Variants in HLA-DPB1 observed in about 807,000 individuals in gnomAD.
HLA-DPB1 encodes HLA class II histocompatibility antigen, DP beta 1 chain.
In HLA-DPB1, 30 loss-of-function variants were observed where a neutral mutation model predicts 29.4. The ratio of observed to expected loss-of-function variants is 1.02; its 90% CI spans 0.76 to 1.38. HLA-DPB1 has a LOEUF of 1.38. HLA-DPB1 is among the 40% of genes most tolerant of loss of function. HLA-DPB1 has a pLI of 0.00. For missense variants in HLA-DPB1, 261 were observed against 327.5 expected (o/e 0.80, Z 1.57); for synonymous variants, 114 against 134.0 (o/e 0.85, Z 1.03).
In HLA-DPB1 at chr6:33,086,659, G is replaced by T. The variant is rs1327871929; in HGVS notation, c.*125G>T. The T allele has an allele frequency of 8.2e-6, 4 of 485,122 alleles. No homozygotes were observed. Among genetic ancestry groups the T allele is most frequent in the African/African-American group, 6.2e-5 (3 of 48,354 alleles). The allele number at this position is 485,122 out of a possible 1,614,324, so 30.1% of individuals were successfully genotyped here. A position where few individuals can be genotyped will look rare whatever the true frequency, so the allele number is the denominator to read the frequency against. ...AATTGGATACTGCTGCCAAGAAGTT[G>T]CTCTGAAGTCAGTTTCTATCATTCT... On this transcript the variant is annotated 3_prime_UTR_variant, in exon 6 of 6. Coordinates refer to ENST00000418931, the MANE Select transcript of HLA-DPB1 (RefSeq NM_002121.6).
In HLA-DPB1 at chr6:33,089,011, G is replaced by A. The variant is rs9296075; in HGVS notation, c.*2477G>A. On this transcript the variant is annotated 3_prime_UTR_variant, in exon 6 of 6. Coordinates refer to ENST00000418931, the MANE Select transcript of HLA-DPB1 (RefSeq NM_002121.6). ...AACACTGCCTCAGATGGTTATCAAG[G>A]GGTACCCTAAGAAGAAATCATCTCA... Among the ~76,000 whole-genome samples, 19,769 of 151,860 alleles carry A rather than the reference G, an allele frequency of 0.13. 2,559 individuals carry two copies. Among genetic ancestry groups the A allele is most frequent in the African/African-American group, 0.33 (13,802 of 41,244 alleles).
chr6:33,079,295 C>T (rs1583112950), intron 1 of HLA-DPB1, among the ~76,000 whole-genome samples: 1 of 152,382 alleles, frequency 6.6e-6, no homozygotes, highest in African/African-American at 2.4e-5. Context: ...ACTGATAATT[C>T]TGTGTAGACA....
At chr6:33,086,198 A>T (rs1763091767) in intron 4 of HLA-DPB1, 21 bp from the exon 5 acceptor site, 2 of 1,559,376 alleles carry the variant, frequency 1.3e-6, no homozygotes, top group South Asian at 2.2e-5. Context: ...TGATTATATA[A>T]CCTTTCGTCT....
intron 4 of HLA-DPB1, 65 bp downstream of exon 4, chr6:33,085,954 TGAG>T (rs1324824851): frequency 6.5e-6 from 7 of 1,072,062 alleles, no homozygotes; most frequent in Non-Finnish European, 9.7e-6. Flanking sequence ...TATTCCACGA[TGAG>T]GGGTTTGACA....
At chr6:33,079,820 C>G (rs1762740589) in intron 1 of HLA-DPB1, 1 of 452,116 alleles carries the variant, frequency 2.2e-6, no homozygotes, top group Non-Finnish European at 4.3e-6. Context: ...ATCAGAGTCA[C>G]CAACCCCAGT....
intron 2 of HLA-DPB1, chr6:33,083,723 A>G (rs9277405): frequency 0.38 from 57,602 of 151,738 alleles, 12,334 homozygotes; most frequent in East Asian, 0.64. Flanking sequence ...TCATGCCTCA[A>G]CCTCCCAAAG....
chr6:33,086,317 T>A (rs2150378847), intron 5 of HLA-DPB1, 75 bp downstream of exon 5: 1 of 1,121,384 alleles, frequency 8.9e-7, no homozygotes, highest in Non-Finnish European at 1.4e-6. Flanking sequence ...ATTGTAACAC[T>A]GAGGCTCCTC....
intron 2 of HLA-DPB1, chr6:33,081,165 C>G: frequency 1.8e-6 from 1 of 545,486 alleles, no homozygotes; most frequent in Non-Finnish European, 3.2e-6. Context: ...ACCCCCGGGA[C>G]TTCATCAGGC....
rs1042136 is a variant in HLA-DPB1, at chr6:33,080,851, A to T, written c.280A>T (p.Ile94Phe). The change falls in exon 2 of 6, where the codon ATC becomes TTC. Residue 94 changes from isoleucine (I) to phenylalanine (F), a missense_variant. Ile to Phe is a conservative substitution (Grantham distance 21). Coordinates refer to ENST00000418931, the MANE Select transcript of HLA-DPB1 (RefSeq NM_002121.6). The surrounding 1 kb of genome is among the most constrained non-coding windows in gnomAD (Gnocchi z 4.3). ...AAEYWNSQKD[I>F]LEEKRAVPDR... The stretch of plus-strand genomic sequence containing the variant: ...GGAGTACTGGAACAGCCAGAAGGAC[A>T]TCCTGGAGGAGAAGCGGGCAGTGCC... 117 of 1,602,128 alleles carry T rather than the reference A, an allele frequency of 7.3e-5. No individual in the cohort carries two copies. In the East Asian group the frequency reaches 1.8e-3, roughly 24 times the overall value.
rs529551304 is a variant in HLA-DPB1 at position 33,085,420 on chromosome 6, G to T, written c.646+189G>T. The stretch of plus-strand genomic sequence containing the variant: ...GAGACTTCCTGACCTTGGCTTAGGG[G>T]TTCCTGAAGATTCATAGTTCTCCCC... On this transcript the variant is annotated intron_variant, in intron 3 of 5. Transcript: ENST00000418931. Among the ~76,000 whole-genome samples, 29 of 152,316 alleles carry T rather than the reference G, an allele frequency of 1.9e-4. 1 individual carries two copies. In the South Asian group the frequency reaches 5.4e-3, roughly 28 times the overall value.
chr6:33,085,337 C>G, intron 3 of HLA-DPB1, 106 bp downstream of exon 3: 1 of 990,470 alleles, frequency 1.0e-6, no homozygotes, highest in Non-Finnish European at 1.5e-6. Flanking sequence ...GGGGCCATGT[C>G]CAAACCCCAT....
intron 2 of HLA-DPB1, among the ~76,000 whole-genome samples, chr6:33,084,612 A>T (rs778244029): frequency 6.6e-6 from 1 of 152,088 alleles, no homozygotes; most frequent in Non-Finnish European, 1.5e-5. Context: ...CAGGCTGACC[A>T]ACATGGAGAA....
At chr6:33,077,632 T>C (rs1470634441) in intron 1 of HLA-DPB1, among the ~76,000 whole-genome samples, 2 of 152,200 alleles carry the variant, frequency 1.3e-5, no homozygotes, top group Non-Finnish European at 2.9e-5. Flanking sequence ...TCAACCATTG[T>C]ACTCTCAGGA....
intron 1 of HLA-DPB1, among the ~76,000 whole-genome samples, chr6:33,076,427 G>A (rs988412086): frequency 6.6e-6 from 1 of 152,190 alleles, no homozygotes; most frequent in Non-Finnish European, 1.5e-5. Flanking sequence ...ACCTTGGACA[G>A]ACAAGGTTTG....
At position 33,080,897 on chromosome 6, in the gene HLA-DPB1, A is replaced by T; in HGVS notation, c.326A>T (p.Asn109Ile). The T allele has an allele frequency of 6.2e-7, 1 of 1,609,972 alleles. No homozygotes were observed. Among genetic ancestry groups the T allele is most frequent in the Non-Finnish European group, 8.5e-7 (1 of 1,178,368 alleles). The change falls in exon 2 of 6, where the codon AAC becomes ATC. Residue 109 changes from asparagine to isoleucine, a missense_variant. Transcript: ENST00000418931. This position sits in a 1 kb window ranked among gnomAD's most constrained non-coding sequence, Gnocchi z 4.3. ...GTGCCGGACAGGATGTGCAGACACA[A>T]CTACGAGCTGGGCGGGCCCATGACC... is the stretch of plus-strand genomic sequence containing the variant. ...RAVPDRMCRH[N>I]YELGGPMTLQ... is the part of the protein sequence containing the mutation.
chr6:33,085,946 T>C (rs9277472), intron 4 of HLA-DPB1, 57 bp downstream of exon 4: 348,734 of 1,138,214 alleles, frequency 0.31, 59,207 homozygotes, highest in East Asian at 0.6. Context: ...TTCACACTTA[T>C]TCCACGATGA....
intron 1 of HLA-DPB1, chr6:33,079,629 A>G: frequency 2.1e-6 from 1 of 467,092 alleles, no homozygotes; most frequent in South Asian, 1.6e-5. Context: ...AACATTGCTT[A>G]TGGGAGCAAC....
chr6:33,085,683 C>A, intron 3 of HLA-DPB1, 96 bp from the exon 4 acceptor site: 1 of 866,370 alleles, frequency 1.2e-6, no homozygotes, highest in Non-Finnish European at 2.0e-6. Flanking sequence ...CTGTCCTCAT[C>A]CCGATATGCT....
At chr6:33,084,155 G>A (rs1013791404) in intron 2 of HLA-DPB1, 1 of 152,086 alleles carries the variant, frequency 6.6e-6, no homozygotes, top group Non-Finnish European at 1.5e-5. Flanking sequence ...TAATGCCATT[G>A]TCTGTATATC....
Sources: allele counts gnomAD v4.1 joint callset (sites outside exome capture counted in the v4.1 genomes callset), GRCh38; gene constraint gnomAD v4.1.1; non-coding constraint Gnocchi (gnomAD v3.1); transcripts MANE v1.5; gene names NCBI Gene and HGNC (gene_info 2026-07-23, HGNC 2026-07-21).